ROBO1: variants seen among roughly 807,000 people sequenced by gnomAD.
ROBO1 encodes the protein roundabout guidance receptor 1.
A neutral mutation model predicts 195.9 loss-of-function variants in ROBO1; 149 were observed. The observed-to-expected ratio is 0.76, with a 90% CI of 0.67 to 0.87. The LOEUF (loss-of-function observed/expected upper bound fraction) is 0.87, where lower values mean the gene tolerates loss of function less well. Ranked by LOEUF, ROBO1 falls within the 40% of genes least tolerant of loss-of-function variation. ROBO1 has a pLI of 0.00. For missense variants in ROBO1, 1,933 were observed against 2,068.3 expected, an observed-to-expected ratio of 0.93 and a Z score of 1.27; for synonymous variants, 816 against 733.2, an observed-to-expected ratio of 1.11 and a Z score of -1.82.
At chr3:79,280,770 G>A (rs2031442392) in intron 2 of ROBO1, among the ~76,000 whole-genome samples, 1 of 152,126 alleles carries the variant, frequency 6.6e-6, no homozygotes, top group African/African-American at 2.4e-5. Context: ...AGATCATCAA[G>A]CATTCGATTC....
At chr3:79,123,638 T>C (rs1226258101) in intron 3 of ROBO1, among the ~76,000 whole-genome samples, 2 of 151,976 alleles carry the variant, frequency 1.3e-5, no homozygotes, top group East Asian at 3.9e-4. Flanking sequence ...CCTTTAGCAC[T>C]AGGTTGTTAA....
chr3:79,019,043 G>A (rs1576576221), intron 3 of ROBO1: 2 of 989,386 alleles, frequency 2.0e-6, no homozygotes, highest in Non-Finnish European at 2.4e-6. Flanking sequence ...CGCGCGCAGA[G>A]AGCGAGCGAG....
At chr3:79,442,405 ATC>A (rs143337345) in intron 2 of ROBO1, among the ~76,000 whole-genome samples, 1 of 152,298 alleles carries the variant, frequency 6.6e-6, no homozygotes, top group Non-Finnish European at 1.5e-5. Context: ...TTTCCATAGT[ATC>A]TGTTTTCCAT....
intron 2 of ROBO1, among the ~76,000 whole-genome samples, chr3:79,447,796 A>G (rs2039314045): frequency 6.6e-6 from 1 of 152,012 alleles, no homozygotes; most frequent in Non-Finnish European, 1.5e-5. Flanking sequence ...ATTATAATGT[A>G]TGAATTAGAA....
At chr3:79,359,806 A>G (rs531067054) in intron 2 of ROBO1, among the ~76,000 whole-genome samples, 4 of 152,066 alleles carry the variant, frequency 2.6e-5, no homozygotes, top group African/African-American at 9.6e-5. Flanking sequence ...AGGCACCAGG[A>G]TGCCAGGAAT....
chr3:79,528,695 A>G (rs1403410079), intron 2 of ROBO1, among the ~76,000 whole-genome samples: 1 of 152,184 alleles, frequency 6.6e-6, no homozygotes, highest in Non-Finnish European at 1.5e-5. Flanking sequence ...ACCAAATGGC[A>G]AGGCTTAAAA....
chr3:79,679,941 G>A (rs559726113), intron 1 of ROBO1, among the ~76,000 whole-genome samples: 6 of 152,096 alleles, frequency 3.9e-5, no homozygotes, highest in Admixed American at 1.3e-4. Context: ...TCTGAAGCAC[G>A]TCACATGTCA....
intron 2 of ROBO1, among the ~76,000 whole-genome samples, chr3:79,462,536 A>T (rs1035158752): frequency 6.6e-6 from 1 of 152,244 alleles, no homozygotes; most frequent in East Asian, 1.9e-4. Context: ...GTAAATTTTT[A>T]AAAGTTTTGT....
At chr3:78,691,369 T>A (rs913949193) in intron 8 of ROBO1, among the ~76,000 whole-genome samples, 5 of 152,032 alleles carry the variant, frequency 3.3e-5, no homozygotes, top group Non-Finnish European at 7.4e-5. Context: ...GGGGTAAAAA[T>A]TTGGAAAATT....
chr3:79,236,203 C>G (rs915439899), intron 2 of ROBO1, among the ~76,000 whole-genome samples: 1 of 152,058 alleles, frequency 6.6e-6, no homozygotes, highest in African/African-American at 2.4e-5. Flanking sequence ...AAATAAATCA[C>G]GATTCCTAGT....
Position 78,824,013 on chromosome 3 carries a change from T to A in ROBO1, c.500-77113A>T, listed in dbSNP as rs570588866. On this transcript the variant is annotated intron_variant, in intron 4 of 30. Coordinates refer to ENST00000464233, the MANE Select transcript of ROBO1 (RefSeq NM_002941.4). ...TACACATATTATTCACTGACATTAA[T>A]GACAGGTATGACTTGCTGCATTCCT... Among the ~76,000 whole-genome samples, 58 of 152,322 alleles carry A rather than the reference T, an allele frequency of 3.8e-4. 2 individuals are homozygous for A. The highest frequency in any genetic ancestry group is 2.4e-3 in the Admixed American group (36 of 15,296).
chr3:79,434,480 T>C (rs1033170341), intron 2 of ROBO1, among the ~76,000 whole-genome samples: 9 of 152,124 alleles, frequency 5.9e-5, no homozygotes, highest in African/African-American at 2.2e-4. Flanking sequence ...TCAACATCAC[T>C]GGCCATCAGA....
chr3:78,752,098 TG>T (rs2082811029), intron 4 of ROBO1, among the ~76,000 whole-genome samples: 1 of 152,128 alleles, frequency 6.6e-6, no homozygotes, highest in Admixed American at 6.6e-5. Context: ...ACTCTATAAA[TG>T]CTAAATAGCA....
chr3:78,758,667 G>A (rs138800404), intron 4 of ROBO1, among the ~76,000 whole-genome samples: 2 of 151,880 alleles, frequency 1.3e-5, no homozygotes, highest in East Asian at 3.9e-4. Flanking sequence ...ATTACTAAAT[G>A]TTATTTGTGT....
In ROBO1 at chr3:78,661,988, C is replaced by T; in HGVS notation, c.2088+5G>A. The T allele has an allele frequency of 6.2e-7, 1 of 1,606,372 alleles. No homozygotes were observed. On this transcript the variant is annotated splice_donor_5th_base_variant and intron_variant, in intron 15 of 30. Transcript: ENST00000464233. ...AAACTGAGATCAAATATTGTAACAA[C>T]TCACTGTCCAGTGCACTTCGATGGA...
intron 2 of ROBO1, among the ~76,000 whole-genome samples, chr3:79,374,818 A>G (rs955291991): frequency 6.9e-6 from 1 of 144,540 alleles, no homozygotes; most frequent in Non-Finnish European, 1.5e-5. Context: ...CTAAGTTGGA[A>G]TAATAGTTGG....
At chr3:78,999,757 A>T (rs1374889) in intron 3 of ROBO1, among the ~76,000 whole-genome samples, 1 of 152,212 alleles carries the variant, frequency 6.6e-6, no homozygotes, top group East Asian at 1.9e-4. Flanking sequence ...CTTTACAGGC[A>T]CCTGATGAGA....
intron 2 of ROBO1, among the ~76,000 whole-genome samples, chr3:79,328,200 T>A (rs1437633632): frequency 6.6e-6 from 1 of 152,172 alleles, no homozygotes; most frequent in African/African-American, 2.4e-5. Flanking sequence ...AGGAGTTAGA[T>A]CTAGCAAAGG....
At chr3:79,720,213 A>C (rs150615646) in intron 1 of ROBO1, among the ~76,000 whole-genome samples, 5 of 152,280 alleles carry the variant, frequency 3.3e-5, no homozygotes, top group African/African-American at 1.2e-4. Context: ...TGTCATAAGA[A>C]GTTTTGCAGC....
Sources: allele counts gnomAD v4.1 joint callset (sites outside exome capture counted in the v4.1 genomes callset), GRCh38; gene constraint gnomAD v4.1.1; transcripts MANE v1.5; gene names NCBI Gene and HGNC (gene_info 2026-07-23, HGNC 2026-07-21).